P2RY1: variants seen among roughly 807,000 people sequenced by gnomAD.
P2RY1 encodes P2Y purinoceptor 1.
A neutral mutation model predicts 22.8 loss-of-function variants in P2RY1; 14 were observed. The ratio of observed to expected loss-of-function variants is 0.61; its 90% confidence interval spans 0.41 to 0.96. The LOEUF is 0.96. Ranked by LOEUF, P2RY1 falls within the 40% of genes least tolerant of loss-of-function variation. The pLI, the probability that P2RY1 is intolerant of heterozygous loss-of-function variation, is 0.00. For missense variants in P2RY1, 395 were observed against 470.3 expected, an observed-to-expected ratio of 0.84 and a Z score of 1.48; for synonymous variants, 200 against 195.1, an observed-to-expected ratio of 1.03 and a Z score of -0.21.
In P2RY1 at chr3:152,836,974, C is replaced by A; in HGVS notation, c.*70C>A. 1.6e-6 allele frequency: 2 copies of A among 1,243,906 alleles called. No individual in the cohort carries two copies. Among genetic ancestry groups the A allele is most frequent in the Non-Finnish European group, 2.2e-6 (2 of 889,834 alleles). The allele number at this position is 1,243,906 out of a possible 1,614,324, so 77.1% of individuals were successfully genotyped here. A position where few individuals can be genotyped will look rare whatever the true frequency, so the allele number is the denominator to read the frequency against. ...ATGCTTAACAGAATCAAGTACTTTT[C>A]CCCTCTTTAACTTTCTAGTTTAGAA... On this transcript the variant is annotated 3_prime_UTR_variant, in exon 1 of 1. Transcript: ENST00000305097. The surrounding 1 kb of genome is among the most constrained non-coding windows in gnomAD (Gnocchi z 5.6).
Position 152,840,580 on chromosome 3 carries a change from T to A in P2RY1, c.*3676T>A, listed in dbSNP as rs1288067597. ...AAGTTGATCTGTCATGTTTTAGCAG[T>A]CAAGTGGGATGGGCATTATATAAAC... On this transcript the variant is annotated 3_prime_UTR_variant, in exon 1 of 1. Transcript: ENST00000305097. The A allele has an allele frequency of 6.6e-6, 1 of 152,170 alleles. No homozygotes were observed. Among genetic ancestry groups the A allele is most frequent in the Non-Finnish European group, 1.5e-5 (1 of 68,034 alleles). The allele number at this position is 152,170 out of a possible 1,614,324, so 9.4% of individuals were successfully genotyped here. A position where few individuals can be genotyped will look rare whatever the true frequency, so the allele number is the denominator to read the frequency against.
Position 152,836,882 on chromosome 3 carries a change from A to G in P2RY1, c.1100A>G (p.Gln367Arg). Residue 367 changes from glutamine (Q) to arginine (R), a missense_variant, in exon 1 of 1, where the codon CAG becomes CGG. Around this residue, in one of 3 missense-constraint regions of P2RY1, gnomAD observed 291 missense variants for 361.6 expected, o/e 0.80. Coordinates refer to ENST00000305097, the MANE Select transcript of P2RY1 (RefSeq NM_002563.5). The surrounding 1 kb of genome is among the most constrained non-coding windows in gnomAD (Gnocchi z 5.6). Reference sequence around the variant, plus strand: ...CTCAATATTTTACCTGAGTTCAAGCAGAATGGAGATACAAGCCTGTGAAGG... The same window carrying G: ...CTCAATATTTTACCTGAGTTCAAGCGGAATGGAGATACAAGCCTGTGAAGG... ...MTLNILPEFKQNGDTSL is the reference protein window; with the variant it reads ...MTLNILPEFKRNGDTSL The G allele has an allele frequency of 6.2e-7, 1 of 1,610,516 alleles. No homozygotes were observed. The highest frequency in any genetic ancestry group is 8.5e-7 in the Non-Finnish European group (1 of 1,178,226).
rs568942014 is a variant in P2RY1, at chr3:152,839,306, G to A, written c.*2402G>A. On this transcript the variant is annotated 3_prime_UTR_variant, in exon 1 of 1. Coordinates refer to ENST00000305097, the MANE Select transcript of P2RY1 (RefSeq NM_002563.5). ...TCCTTCCAAGCCAAAAGAAGCCTCT[G>A]GGAAGGTGTGCCAATGGTGAAAACG... 2.6e-5 allele frequency: 4 copies of A among 152,304 alleles called. No homozygotes were observed. The highest frequency in any genetic ancestry group is 3.4e-3 in the Middle Eastern group (1 of 294). The allele number at this position is 152,304 out of a possible 1,614,324, so 9.4% of individuals were successfully genotyped here.
At position 152,838,275 on chromosome 3, in the gene P2RY1, G is replaced by A. The variant is rs1289164390; in HGVS notation, c.*1371G>A. ...TTCTATTATATTTGTTCTCTGCCAG[G>A]TGTTAATGAAAAATTTGTAAAATGC... On this transcript the variant is annotated 3_prime_UTR_variant, in exon 1 of 1. Transcript: ENST00000305097. The A allele has an allele frequency of 6.6e-6, 1 of 152,096 alleles. No homozygotes were observed. The highest frequency in any genetic ancestry group is 1.5e-5 in the Non-Finnish European group (1 of 68,018). The allele number at this position is 152,096 out of a possible 1,614,324, so 9.4% of individuals were successfully genotyped here. A position where few individuals can be genotyped will look rare whatever the true frequency, so the allele number is the denominator to read the frequency against.
At position 152,840,891 on chromosome 3, in the gene P2RY1, T is replaced by A. The variant is rs1716281900; in HGVS notation, c.*3987T>A. On this transcript the variant is annotated 3_prime_UTR_variant, in exon 1 of 1. Transcript: ENST00000305097. ...ATTTGGCTGCTGAATTCTGTTAGAG[T>A]TTTTTATTCTGTTGTACATTGTATT... 2 of 152,098 alleles carry A rather than the reference T, an allele frequency of 1.3e-5. No individual in the cohort carries two copies. Among genetic ancestry groups the A allele is most frequent in the South Asian group, 2.1e-4 (1 of 4,834 alleles). 9.4% of individuals were successfully genotyped at this position (152,098 alleles called of 1,614,324 possible). A position where few individuals can be genotyped will look rare whatever the true frequency, so the allele number is the denominator to read the frequency against.
In P2RY1 at chr3:152,835,503, G is replaced by T. The variant is rs1170116857; in HGVS notation, c.-280G>T. On this transcript the variant is annotated 5_prime_UTR_variant, in exon 1 of 1. Coordinates refer to ENST00000305097, the MANE Select transcript of P2RY1 (RefSeq NM_002563.5). ...AGTTATCCGCGGCGGTTCCCTGCGC[G>T]CCCTGTTGTGTAAGCTCGGCGTTGC... The T allele has an allele frequency of 6.6e-6, 3 of 456,250 alleles. No homozygotes were observed. Among genetic ancestry groups the T allele is most frequent in the African/African-American group, 6.2e-5 (3 of 48,098 alleles). The allele number at this position is 456,250 out of a possible 1,614,324, so 28.3% of individuals were successfully genotyped here.
rs1375540394 is a variant in P2RY1 at position 152,840,889 on chromosome 3, A to C, written c.*3985A>C. 6.6e-6 allele frequency: 1 copy of C among 152,086 alleles called. No homozygotes were observed. The highest frequency in any genetic ancestry group is 2.4e-5 in the African/African-American group (1 of 41,410). 9.4% of individuals were successfully genotyped at this position (152,086 alleles called of 1,614,324 possible). A position where few individuals can be genotyped will look rare whatever the true frequency, so the allele number is the denominator to read the frequency against. On this transcript the variant is annotated 3_prime_UTR_variant, in exon 1 of 1. Transcript: ENST00000305097. The stretch of plus-strand genomic sequence containing the variant: ...TTATTTGGCTGCTGAATTCTGTTAG[A>C]GTTTTTTATTCTGTTGTACATTGTA...
At position 152,839,729 on chromosome 3, in the gene P2RY1, T is replaced by C. The variant is rs1716255398; in HGVS notation, c.*2825T>C. ...TTAAAAGTTGGATGACATCCATTGTTGGGGCCTTGGGGGATATGGTAAAGC... is the reference window on the plus strand; with the variant it reads ...TTAAAAGTTGGATGACATCCATTGTCGGGGCCTTGGGGGATATGGTAAAGC... On this transcript the variant is annotated 3_prime_UTR_variant, in exon 1 of 1. Coordinates refer to ENST00000305097, the MANE Select transcript of P2RY1 (RefSeq NM_002563.5). The C allele has an allele frequency of 6.6e-6, 1 of 152,166 alleles. No individual in the cohort carries two copies. Among genetic ancestry groups the C allele is most frequent in the Admixed American group, 6.5e-5 (1 of 15,270 alleles). 9.4% of individuals were successfully genotyped at this position (152,166 alleles called of 1,614,324 possible).
chr3:152,836,502 T>A lies in P2RY1; in HGVS notation c.720T>A (p.Ile240=). 1.2e-6 allele frequency: 2 copies of A among 1,614,214 alleles called. No homozygotes were observed. Among genetic ancestry groups the A allele is most frequent in the Middle Eastern group, 3.3e-4 (2 of 6,062 alleles). ...LVLILGCYGL[I]VRALIYKDLD... is the part of the protein sequence containing the mutation. ...TGATTCTGGGCTGTTACGGATTAAT[T>A]GTGAGAGCTTTGATTTACAAAGATC... Residue 240 remains isoleucine, a synonymous_variant, in exon 1 of 1, where the codon ATT becomes ATA. Transcript: ENST00000305097. This position sits in a 1 kb window ranked among gnomAD's most constrained non-coding sequence, Gnocchi z 5.6.
chr3:152,836,852 T>C lies in P2RY1; in HGVS notation c.1070T>C (p.Met357Thr), dbSNP rs1716177702. The C allele has an allele frequency of 1.2e-6, 2 of 1,613,376 alleles. No individual in the cohort carries two copies. The highest frequency in any genetic ancestry group is 2.2e-5 in the South Asian group (2 of 91,060). The change falls in exon 1 of 1, where the codon ATG (methionine) becomes ACG (threonine). Residue 357 changes from methionine (M) to threonine (T), a missense_variant. Around this residue, in one of 3 missense-constraint regions of P2RY1, gnomAD observed 291 missense variants for 361.6 expected, o/e 0.80. Transcript: ENST00000305097. The surrounding 1 kb of genome is among the most constrained non-coding windows in gnomAD (Gnocchi z 5.6). ...EANLQSKSED[M>T]TLNILPEFKQ... ...AATTTGCAATCCAAGAGTGAAGACA[T>C]GACCCTCAATATTTTACCTGAGTTC...
At position 152,837,146 on chromosome 3, in the gene P2RY1, A is replaced by G; in HGVS notation, c.*242A>G. On this transcript the variant is annotated 3_prime_UTR_variant, in exon 1 of 1. Transcript: ENST00000305097. Reference sequence around the variant, plus strand: ...TAATAAAACAATACTACCTAGTTAAACATTTACTTTCTCTTTTGCCTTTAA... The same window carrying G: ...TAATAAAACAATACTACCTAGTTAAGCATTTACTTTCTCTTTTGCCTTTAA... 2 of 461,264 alleles carry G rather than the reference A, an allele frequency of 4.3e-6. No homozygotes were observed. 28.6% of individuals were successfully genotyped at this position (461,264 alleles called of 1,614,324 possible). A position where few individuals can be genotyped will look rare whatever the true frequency, so the allele number is the denominator to read the frequency against.
rs1316757368 is a variant in P2RY1 at position 152,838,727 on chromosome 3, A to G, written c.*1823A>G. On this transcript the variant is annotated 3_prime_UTR_variant, in exon 1 of 1. Transcript: ENST00000305097. ...GAAGAAAAGCTGTATTTAACCTTCCAAAGCAGTGATTCTTTTTACATGTTC... is the reference window on the plus strand; with the variant it reads ...GAAGAAAAGCTGTATTTAACCTTCCGAAGCAGTGATTCTTTTTACATGTTC... The G allele has an allele frequency of 6.6e-6, 1 of 152,186 alleles. No homozygotes were observed. The highest frequency in any genetic ancestry group is 2.4e-5 in the African/African-American group (1 of 41,450). The allele number at this position is 152,186 out of a possible 1,614,324, so 9.4% of individuals were successfully genotyped here.
chr3:152,836,989 C>G lies in P2RY1; in HGVS notation c.*85C>G. 1.8e-6 allele frequency: 2 copies of G among 1,133,206 alleles called. No homozygotes were observed. The highest frequency in any genetic ancestry group is 3.3e-5 in the South Asian group (2 of 61,056). 70.2% of individuals were successfully genotyped at this position (1,133,206 alleles called of 1,614,324 possible). A position where few individuals can be genotyped will look rare whatever the true frequency, so the allele number is the denominator to read the frequency against. ...AAGTACTTTTCCCCTCTTTAACTTT[C>G]TAGTTTAGAAAAAAATCAAACCAAG... On this transcript the variant is annotated 3_prime_UTR_variant, in exon 1 of 1. Coordinates refer to ENST00000305097, the MANE Select transcript of P2RY1 (RefSeq NM_002563.5). This position sits in a 1 kb window ranked among gnomAD's most constrained non-coding sequence, Gnocchi z 5.6.
chr3:152,839,467 T>G lies in P2RY1; in HGVS notation c.*2563T>G, dbSNP rs545160756. 6.6e-6 allele frequency: 1 copy of G among 152,280 alleles called. No individual in the cohort carries two copies. The highest frequency in any genetic ancestry group is 6.5e-5 in the Admixed American group (1 of 15,292). 9.4% of individuals were successfully genotyped at this position (152,280 alleles called of 1,614,324 possible). A position where few individuals can be genotyped will look rare whatever the true frequency, so the allele number is the denominator to read the frequency against. On this transcript the variant is annotated 3_prime_UTR_variant, in exon 1 of 1. Coordinates refer to ENST00000305097, the MANE Select transcript of P2RY1 (RefSeq NM_002563.5). ...AAAAAACTGCTAACATTATAGAACT[T>G]ATTACCTAACAAAATTTCACACCAC...
At position 152,838,821 on chromosome 3, in the gene P2RY1, AAGAG is replaced by A. The variant is rs1030748653; in HGVS notation, c.*1920_*1923del. 8 of 152,200 alleles carry A rather than the reference AAGAG, an allele frequency of 5.3e-5. No individual in the cohort carries two copies. 9.4% of individuals were successfully genotyped at this position (152,200 alleles called of 1,614,324 possible). A position where few individuals can be genotyped will look rare whatever the true frequency, so the allele number is the denominator to read the frequency against. On this transcript the variant is annotated 3_prime_UTR_variant, in exon 1 of 1. Transcript: ENST00000305097. ...CTACTACACCTCCTTATTTTGAGGA[AAGAG>A]AGGGTTAGCAAAGTTCTCACTTCAT...
chr3:152,836,640 C>T lies in P2RY1; in HGVS notation c.858C>T (p.Ala286=), dbSNP rs1167871421. 1.9e-6 allele frequency: 3 copies of T among 1,614,140 alleles called. No homozygotes were observed. The highest frequency in any genetic ancestry group is 1.6e-4 in the Middle Eastern group (1 of 6,062). ...TGATGAAAACGATGAACTTGAGGGC[C>T]CGGCTTGATTTTCAGACCCCAGCAA... ...FHVMKTMNLR[A]RLDFQTPAMC... Residue 286 remains alanine (A), a synonymous_variant, in exon 1 of 1, where the codon GCC becomes GCT. Coordinates refer to ENST00000305097, the MANE Select transcript of P2RY1 (RefSeq NM_002563.5). The surrounding 1 kb of genome is among the most constrained non-coding windows in gnomAD (Gnocchi z 5.6).
At position 152,841,303 on chromosome 3, in the gene P2RY1, G is replaced by A. The variant is rs1176175368; in HGVS notation, c.*4399G>A. Reference sequence around the variant, plus strand: ...TGTGTGTGTGTGTGTGTGTGTCTTAGTGTGTGTAAGGCATGGCAGCCAACT... The same window carrying A: ...TGTGTGTGTGTGTGTGTGTGTCTTAATGTGTGTAAGGCATGGCAGCCAACT... On this transcript the variant is annotated 3_prime_UTR_variant, in exon 1 of 1. Transcript: ENST00000305097. The A allele has an allele frequency of 1.3e-5, 2 of 151,412 alleles. No individual in the cohort carries two copies. Among genetic ancestry groups the A allele is most frequent in the Admixed American group, 1.3e-4 (2 of 15,178 alleles). The allele number at this position is 151,412 out of a possible 1,614,324, so 9.4% of individuals were successfully genotyped here.
Position 152,840,404 on chromosome 3 carries a change from T to C in P2RY1, c.*3500T>C, listed in dbSNP as rs896884264. 10 of 152,228 alleles carry C rather than the reference T, an allele frequency of 6.6e-5. No individual in the cohort carries two copies. The highest frequency in any genetic ancestry group is 2.4e-4 in the African/African-American group (10 of 41,464). The allele number at this position is 152,228 out of a possible 1,614,324, so 9.4% of individuals were successfully genotyped here. Reference sequence around the variant, plus strand: ...AGACTATCATAAGATCGATAGTGAATATAAAATATCTTAGCCAAATGGGGT... The same window carrying C: ...AGACTATCATAAGATCGATAGTGAACATAAAATATCTTAGCCAAATGGGGT... On this transcript the variant is annotated 3_prime_UTR_variant, in exon 1 of 1. Transcript: ENST00000305097.
At position 152,835,980 on chromosome 3, in the gene P2RY1, C is replaced by T. The variant is rs116783706; in HGVS notation, c.198C>T (p.Phe66=). ...ACATCTTGGTATTCATCATCGGCTT[C>T]CTGGGCAACAGCGTGGCCATCTGGA... The part of the protein sequence containing the change: ...AVYILVFIIG[F]LGNSVAIWMF... The change falls in exon 1 of 1, where the codon TTC becomes TTT. Residue 66 remains phenylalanine (F), a synonymous_variant. Coordinates refer to ENST00000305097, the MANE Select transcript of P2RY1 (RefSeq NM_002563.5). The T allele has an allele frequency of 3.9e-4, 625 of 1,614,192 alleles. 3 individuals are homozygous for T. The African/African-American group carries it at 6.4e-3, about 17-fold the overall frequency.
Sources: gnomAD v4.1 joint callset for allele counts on GRCh38, gnomAD v4.1.1 for gene constraint, gnomAD v4.1.1 regional missense constraint, Gnocchi (gnomAD v3.1) non-coding constraint, MANE v1.5 for transcripts, NCBI Gene and HGNC (gene_info 2026-07-23, HGNC 2026-07-21) for gene names.